The following IL1RAPL1 variants were observed in gnomAD, a reference collection of about 807,000 sequenced individuals.
IL1RAPL1 encodes interleukin 1 receptor accessory protein like 1, also known as interleukin-1 receptor accessory protein-like 1.
IL1RAPL1 carries 3 observed loss-of-function variants against 48.4 expected under a neutral mutation model. The observed-to-expected ratio is 0.06, with a 90% CI of 0.03 to 0.16. The LOEUF (loss-of-function observed/expected upper bound fraction) is 0.16, where lower values mean the gene tolerates loss of function less well. IL1RAPL1 is among the 10% of genes least tolerant of loss of function. IL1RAPL1 has a pLI of 1.00. For missense variants in IL1RAPL1, 349 were observed against 530.6 expected (o/e 0.66, Z 3.36); for synonymous variants, 185 against 187.7 (o/e 0.99, Z 0.12).
intron 5 of IL1RAPL1, among the ~76,000 whole-genome samples, chrX:29,660,055 C>T (rs964287814): frequency 9.0e-6 from 1 of 110,851 alleles, no homozygotes; most frequent in Non-Finnish European, 1.9e-5. Flanking sequence ...AGAGAGACAG[C>T]GAAGGGGGAA....
intron 1 of IL1RAPL1, among the ~76,000 whole-genome samples, chrX:28,722,974 G>A (rs1247423707): frequency 2.7e-5 from 3 of 111,348 alleles, no homozygotes; most frequent in African/African-American, 9.8e-5. Flanking sequence ...GCTTTTTGAT[G>A]TGCTGCTGGA....
At chrX:29,432,857 A>C (rs1214797320) in intron 5 of IL1RAPL1, among the ~76,000 whole-genome samples, 1 of 111,806 alleles carries the variant, frequency 8.9e-6, no homozygotes, top group East Asian at 2.8e-4. Context: ...TTCTTTCTCA[A>C]AATGAAGATT....
At chrX:29,822,223 G>A (rs990848165) in intron 6 of IL1RAPL1, among the ~76,000 whole-genome samples, 7 of 110,434 alleles carry the variant, frequency 6.3e-5, no homozygotes, top group African/African-American at 2.3e-4. Context: ...AATTATTACC[G>A]CCTCTAAATA....
chrX:28,911,468 C>G (rs1303657355), intron 2 of IL1RAPL1, among the ~76,000 whole-genome samples: 1 of 111,133 alleles, frequency 9.0e-6, no homozygotes, highest in Non-Finnish European at 1.9e-5. Context: ...TAGAATTCCA[C>G]TTCCCCCATT....
At chrX:29,539,082 C>G (rs781084483) in intron 5 of IL1RAPL1, among the ~76,000 whole-genome samples, 1 of 111,431 alleles carries the variant, frequency 9.0e-6, no homozygotes, top group Non-Finnish European at 1.9e-5. Flanking sequence ...GATACCAAAA[C>G]CTGGCAAGGA....
chrX:29,708,846 G>A (rs1927267598), intron 6 of IL1RAPL1, among the ~76,000 whole-genome samples: 1 of 112,049 alleles, frequency 8.9e-6, no homozygotes, highest in Admixed American at 9.5e-5. Flanking sequence ...CGGTGTACAA[G>A]GGTTGTCTTT....
At chrX:28,926,789 C>T (rs1923754460) in intron 2 of IL1RAPL1, among the ~76,000 whole-genome samples, 1 of 111,385 alleles carries the variant, frequency 9.0e-6, no homozygotes, top group African/African-American at 3.3e-5. Context: ...ACAGTTATGT[C>T]TTCTTTTTAC....
At chrX:29,339,761 GAT>G in intron 3 of IL1RAPL1, among the ~76,000 whole-genome samples, 1 of 111,738 alleles carries the variant, frequency 8.9e-6, no homozygotes, top group South Asian at 3.7e-4. Context: ...TCTGTTCCAG[GAT>G]CTCATCCAGA....
At chrX:28,774,090 A>T (rs1038561607) in intron 1 of IL1RAPL1, among the ~76,000 whole-genome samples, 1 of 111,354 alleles carries the variant, frequency 9.0e-6, no homozygotes, top group African/African-American at 3.3e-5. Context: ...TACTTTACTG[A>T]TTCTTTTTTT....
intron 5 of IL1RAPL1, among the ~76,000 whole-genome samples, chrX:29,625,664 G>A (rs768846695): frequency 2.7e-5 from 3 of 111,758 alleles, no homozygotes; most frequent in East Asian, 5.7e-4. Context: ...TTCTCCAAGT[G>A]ATCATATTCT....
intron 3 of IL1RAPL1, among the ~76,000 whole-genome samples, chrX:29,298,799 T>C (rs946966627): frequency 9.0e-6 from 1 of 111,610 alleles, no homozygotes; most frequent in South Asian, 3.7e-4. Context: ...GTCAGTGTAA[T>C]TGGAATGTTT....
At chrX:28,878,303 G>C (rs1922423448) in intron 2 of IL1RAPL1, among the ~76,000 whole-genome samples, 1 of 111,643 alleles carries the variant, frequency 9.0e-6, no homozygotes. Flanking sequence ...GGTTTATGGG[G>C]GTAGTGAGCA....
intron 2 of IL1RAPL1, among the ~76,000 whole-genome samples, chrX:28,971,191 ATTG>A (rs999689943): frequency 2.7e-5 from 3 of 111,769 alleles, no homozygotes; most frequent in African/African-American, 9.8e-5. Context: ...ACAGAACCGT[ATTG>A]TTCTACCAAA....
chrX:28,881,450 G>C (rs1213191685), intron 2 of IL1RAPL1, among the ~76,000 whole-genome samples: 3 of 111,457 alleles, frequency 2.7e-5, no homozygotes, highest in Non-Finnish European at 5.7e-5. Context: ...ATCTTGTTTG[G>C]TAGGGTTTTC....
chrX:29,100,073 G>A (rs1416519783), intron 2 of IL1RAPL1, among the ~76,000 whole-genome samples: 1 of 110,121 alleles, frequency 9.1e-6, no homozygotes, highest in Non-Finnish European at 1.9e-5. Flanking sequence ...TTAGCTGGGT[G>A]TGGTGGCATG....
At chrX:29,088,566 C>A in intron 2 of IL1RAPL1, among the ~76,000 whole-genome samples, 1 of 104,879 alleles carries the variant, frequency 9.5e-6, no homozygotes, top group Non-Finnish European at 1.9e-5. Flanking sequence ...ATCCCAGCTA[C>A]TTGGGAGGCT....
intron 5 of IL1RAPL1, among the ~76,000 whole-genome samples, chrX:29,470,543 T>C (rs1040408837): frequency 1.2e-4 from 13 of 111,780 alleles, no homozygotes; most frequent in African/African-American, 3.9e-4. Context: ...CATCTTTTTT[T>C]CTTATACAAT....
intron 9 of IL1RAPL1, among the ~76,000 whole-genome samples, chrX:29,943,457 C>CTG (rs1298395124): frequency 8.9e-6 from 1 of 111,977 alleles, no homozygotes; most frequent in Non-Finnish European, 1.9e-5. Flanking sequence ...AACACAAATA[C>CTG]TGTAAGTGTC....
At chrX:28,917,800 G>A (rs1923523457) in intron 2 of IL1RAPL1, among the ~76,000 whole-genome samples, 1 of 112,343 alleles carries the variant, frequency 8.9e-6, no homozygotes, top group Non-Finnish European at 1.9e-5. Flanking sequence ...AACATTTTAA[G>A]TGTACAGTTC....
Sources: gnomAD v4.1 joint callset for allele counts (sites outside exome capture counted in the v4.1 genomes callset) on GRCh38, gnomAD v4.1.1 for gene constraint, MANE v1.5 for transcripts, NCBI Gene and HGNC (gene_info 2026-07-23, HGNC 2026-07-21) for gene names.